Variants in NRXN1 observed in about 807,000 individuals in gnomAD.
NRXN1 encodes the protein neurexin 1.
NRXN1 carries 39 observed loss-of-function variants against 150.9 expected under a neutral mutation model. The observed-to-expected ratio is 0.26, with a 90% CI of 0.20 to 0.34. The LOEUF (loss-of-function observed/expected upper bound fraction) is 0.34, where lower values mean the gene tolerates loss of function less well. Ranked by LOEUF, NRXN1 falls within the 10% of genes least tolerant of loss-of-function variation. NRXN1 has a pLI of 1.00. For missense variants in NRXN1, 1,815 were observed against 1,949.9 expected (o/e 0.93, Z 1.30); for synonymous variants, 924 against 757.0 (o/e 1.22, Z -3.62).
intron 17 of NRXN1, among the ~76,000 whole-genome samples, chr2:50,404,524 A>C (rs536133093): frequency 6.6e-5 from 10 of 152,058 alleles, no homozygotes; most frequent in African/African-American, 2.4e-4. Context: ...GAAGTGGGAG[A>C]TATTTCAGGA....
chr2:50,767,369 GACT>G (rs1465568589), intron 5 of NRXN1, among the ~76,000 whole-genome samples: 2 of 151,836 alleles, frequency 1.3e-5, no homozygotes, highest in Admixed American at 6.6e-5. Context: ...GTATAAATTT[GACT>G]ACAATTGAAT....
chr2:50,774,760 A>G (rs1703403048), intron 5 of NRXN1, among the ~76,000 whole-genome samples: 3 of 152,118 alleles, frequency 2.0e-5, no homozygotes, highest in Non-Finnish European at 4.4e-5. Context: ...GTGTCTGGAC[A>G]ATCTGGTTGT....
At position 50,797,538 on chromosome 2, in the gene NRXN1, G is replaced by A. The variant is rs189797822; in HGVS notation, c.832+124331C>T. On this transcript the variant is annotated intron_variant, in intron 5 of 22. Transcript: ENST00000401669. ...AAATCATGCCAATACTGAAAAACAC[G>A]GAGCTAGATCATGGGTAGACTTTGG... is the stretch of plus-strand genomic sequence containing the variant. 2.5e-3 allele frequency among the ~76,000 whole-genome samples: 385 copies of A among 152,096 alleles called. 4 individuals carry two copies. Among genetic ancestry groups the A allele is most frequent in the Non-Finnish European group, 4.9e-4 (33 of 67,990 alleles).
intron 18 of NRXN1, among the ~76,000 whole-genome samples, chr2:50,212,895 T>C (rs2063135547): frequency 6.6e-6 from 1 of 151,950 alleles, no homozygotes; most frequent in Admixed American, 6.6e-5. Flanking sequence ...GATTGCAAAG[T>C]GGTTCTTCAT....
intron 5 of NRXN1, among the ~76,000 whole-genome samples, chr2:50,682,752 G>A (rs1301152600): frequency 1.3e-5 from 2 of 152,092 alleles, no homozygotes; most frequent in African/African-American, 2.4e-5. Flanking sequence ...GCAACAGTAC[G>A]TGTCACATTC....
At chr2:50,777,611 G>A (rs1446084088) in intron 5 of NRXN1, among the ~76,000 whole-genome samples, 2 of 152,096 alleles carry the variant, frequency 1.3e-5, no homozygotes, top group African/African-American at 2.4e-5. Context: ...GTCTGTGCTG[G>A]CATTAAGTAA....
chr2:50,807,782 G>A (rs146280339), intron 5 of NRXN1, among the ~76,000 whole-genome samples: 3 of 152,236 alleles, frequency 2.0e-5, no homozygotes, highest in East Asian at 3.9e-4. Context: ...TGAGTTACTA[G>A]TACAAAAGAA....
At chr2:50,901,924 C>G (rs538725276) in intron 5 of NRXN1, among the ~76,000 whole-genome samples, 19 of 152,276 alleles carry the variant, frequency 1.2e-4, no homozygotes, top group Admixed American at 1.0e-3. Flanking sequence ...GATGGAGACA[C>G]TAAGGAGTTA....
intron 5 of NRXN1, among the ~76,000 whole-genome samples, chr2:50,696,468 AT>A (rs963186773): frequency 2.4e-4 from 36 of 152,288 alleles, no homozygotes; most frequent in Admixed American, 2.0e-3. Flanking sequence ...TCTAAGCTAA[AT>A]CATAGTTTGC....
chr2:50,441,576 T>C (rs889988700), intron 17 of NRXN1, among the ~76,000 whole-genome samples: 1 of 152,166 alleles, frequency 6.6e-6, no homozygotes, highest in African/African-American at 2.4e-5. Context: ...AAGAGTCTAA[T>C]AGGAAAAGAA....
In NRXN1 at chr2:50,053,327, G is replaced by C; in HGVS notation, c.4072C>G (p.Leu1358Val). Reference sequence around the variant, plus strand: ...CCTCTTCTGGCTGTGCTAGTAGCCAGGGTCGTGGTAGTCTCCATAATTGAT... The same window carrying C: ...CCTCTTCTGGCTGTGCTAGTAGCCACGGTCGTGGTAGTCTCCATAATTGAT... ...STSIMETTTT[L>V]ATSTARRGKP... Residue 1358 changes from leucine to valine, a missense_variant, in exon 21 of 23, where the codon CTG (leucine) becomes GTG (valine). By Grantham distance (32) the Leu-to-Val change is conservative (BLOSUM62 1). This residue lies in a region of NRXN1 where 265 missense variants were observed against 307.1 expected (regional missense o/e 0.86). Coordinates refer to ENST00000401669, the MANE Select transcript of NRXN1 (RefSeq NM_001330078.2). 1 of 1,614,040 alleles carries C rather than the reference G, an allele frequency of 6.2e-7. No individual in the cohort carries two copies. Among genetic ancestry groups the C allele is most frequent in the South Asian group, 1.1e-5 (1 of 91,086 alleles).
intron 17 of NRXN1, among the ~76,000 whole-genome samples, chr2:50,273,607 C>T (rs1195896269): frequency 6.6e-6 from 1 of 151,892 alleles, no homozygotes; most frequent in Admixed American, 6.6e-5. Context: ...TTTAAAATAA[C>T]AATAGAATTG....
intron 5 of NRXN1, among the ~76,000 whole-genome samples, chr2:50,648,749 C>A (rs1443990448): frequency 6.6e-6 from 1 of 151,878 alleles, no homozygotes; most frequent in Admixed American, 6.6e-5. Context: ...AGCAAACAGC[C>A]GGTCATCACT....
intron 2 of NRXN1, among the ~76,000 whole-genome samples, chr2:50,984,763 A>G (rs1697424677): frequency 6.6e-6 from 1 of 152,112 alleles, no homozygotes; most frequent in Non-Finnish European, 1.5e-5. Context: ...TTATGAAGAA[A>G]GAGGCTTCTT....
chr2:50,792,247 C>T (rs375758665), intron 5 of NRXN1, among the ~76,000 whole-genome samples: 1 of 152,100 alleles, frequency 6.6e-6, no homozygotes, highest in East Asian at 1.9e-4. Context: ...AGACATTGAA[C>T]ATAAATCTTG....
chr2:50,732,535 C>G (rs974457859), intron 5 of NRXN1, among the ~76,000 whole-genome samples: 1 of 152,054 alleles, frequency 6.6e-6, no homozygotes, highest in African/African-American at 2.4e-5. Flanking sequence ...TAATTTTGCA[C>G]TTGTTTTCAA....
chr2:50,618,490 A>G (rs766974666), intron 8 of NRXN1, among the ~76,000 whole-genome samples: 26 of 152,158 alleles, frequency 1.7e-4, no homozygotes, highest in Non-Finnish European at 3.1e-4. Context: ...GAGTTTGTAC[A>G]ATCTTTTAGG....
At chr2:50,684,054 G>A (rs1037495353) in intron 5 of NRXN1, among the ~76,000 whole-genome samples, 2 of 151,884 alleles carry the variant, frequency 1.3e-5, no homozygotes, top group African/African-American at 4.8e-5. Context: ...AGTTAAGATA[G>A]GTTACCGACT....
chr2:50,966,106 A>T (rs750494738), intron 2 of NRXN1, among the ~76,000 whole-genome samples: 4 of 151,674 alleles, frequency 2.6e-5, no homozygotes, highest in Non-Finnish European at 4.4e-5. Context: ...TTAAAATGTT[A>T]TTTAATTAAC....
Sources: allele counts gnomAD v4.1 joint callset (sites outside exome capture counted in the v4.1 genomes callset), GRCh38; gene constraint gnomAD v4.1.1; regional missense constraint gnomAD v4.1.1; transcripts MANE v1.5; gene names NCBI Gene and HGNC (gene_info 2026-07-23, HGNC 2026-07-21).